The following HM13 variants were observed in gnomAD, a reference collection of about 807,000 sequenced individuals.
HM13 encodes the protein histocompatibility minor 13.
A neutral mutation model predicts 50.0 loss-of-function variants in HM13; 18 were observed. That is an observed-to-expected ratio of 0.36 (90% confidence interval 0.25 to 0.53). The LOEUF is 0.53. Among genes scored for constraint, HM13 ranks in the 20% least tolerant of loss-of-function variants. The pLI, the probability that HM13 is intolerant of heterozygous loss-of-function variation, is 0.90. For missense variants in HM13, 393 were observed against 552.4 expected (o/e 0.71, Z 2.89); for synonymous variants, 197 against 232.6 (o/e 0.85, Z 1.39).
chr20:31,552,758 T>C (rs1984096586), intron 7 of HM13, among the ~76,000 whole-genome samples: 1 of 151,992 alleles, frequency 6.6e-6, no homozygotes, highest in South Asian at 2.1e-4. Context: ...GGTACCAGGA[T>C]TGAGAGAGAA....
intron 7 of HM13, among the ~76,000 whole-genome samples, chr20:31,554,191 A>T (rs1480662298): frequency 6.6e-6 from 1 of 151,978 alleles, no homozygotes; most frequent in Non-Finnish European, 1.5e-5. Context: ...TACAACAAGA[A>T]TGGGGGGTTA....
intron 1 of HM13, among the ~76,000 whole-genome samples, chr20:31,515,199 C>G (rs911786109): frequency 6.6e-6 from 1 of 152,218 alleles, no homozygotes; most frequent in Non-Finnish European, 1.5e-5. Context: ...CCGCAGGGCC[C>G]TTTCTACCAT....
chr20:31,541,135 T>G (rs1026832080), intron 3 of HM13: 4 of 152,286 alleles, frequency 2.6e-5, no homozygotes, highest in East Asian at 1.9e-4. Flanking sequence ...AATAATTTTC[T>G]TAATGAAATT....
At chr20:31,568,368 C>T in intron 12 of HM13, 144 bp downstream of exon 12, 1 of 1,192,600 alleles carries the variant, frequency 8.4e-7, no homozygotes, top group Middle Eastern at 2.9e-4. Context: ...AACCACCAGG[C>T]AGTGGTTGCA....
At chr20:31,520,450 C>T (rs560464604) in intron 1 of HM13, among the ~76,000 whole-genome samples, 7 of 151,980 alleles carry the variant, frequency 4.6e-5, no homozygotes, top group South Asian at 2.1e-4. Context: ...ATTACAGGCG[C>T]GTGCCACTAC....
chr20:31,520,321 ATTT>A (rs1322022399), intron 1 of HM13, among the ~76,000 whole-genome samples: 2 of 151,264 alleles, frequency 1.3e-5, no homozygotes, highest in Non-Finnish European at 2.9e-5. Context: ...TTGTTTGTTC[ATTT>A]GTTAGAGTCT....
intron 7 of HM13, among the ~76,000 whole-genome samples, chr20:31,551,393 C>T (rs981834195): frequency 6.6e-6 from 1 of 152,224 alleles, no homozygotes; most frequent in Admixed American, 6.5e-5. Context: ...GCACTGACTC[C>T]TCACATAGCT....
chr20:31,567,517 C>G (rs6120713), intron 11 of HM13: 47,201 of 152,008 alleles, frequency 0.31, 12,163 homozygotes, highest in African/African-American at 0.71. Context: ...ATCTCTCTCT[C>G]TCTCTCTCTC....
At chr20:31,551,729 T>G (rs1368375918) in intron 7 of HM13, among the ~76,000 whole-genome samples, 1 of 151,962 alleles carries the variant, frequency 6.6e-6, no homozygotes, top group African/African-American at 2.4e-5. Flanking sequence ...CGACAGGCAG[T>G]CGTTGGGGGA....
chr20:31,519,843 CTTT>C (rs35626235), intron 1 of HM13, among the ~76,000 whole-genome samples: 13 of 125,572 alleles, frequency 1.0e-4, no homozygotes, highest in African/African-American at 1.3e-4. Context: ...GCTATGCACA[CTTT>C]TTTTTTTTTT....
intron 10 of HM13, among the ~76,000 whole-genome samples, chr20:31,565,291 G>A (rs112205631): frequency 1.3e-5 from 2 of 151,050 alleles, no homozygotes; most frequent in East Asian, 2.0e-4. Flanking sequence ...CCACCATGGC[G>A]AACGTGGTGA....
intron 8 of HM13, among the ~76,000 whole-genome samples, chr20:31,559,323 T>C (rs1464257207): frequency 6.6e-6 from 1 of 152,184 alleles, no homozygotes; most frequent in African/African-American, 2.4e-5. Context: ...TAGTGCCTGG[T>C]ACATAGGCAC....
At position 31,561,688 on chromosome 20, in the gene HM13, C is replaced by T. The variant is rs145295632; in HGVS notation, c.900C>T (p.Phe300=). ...ACACCAGCTTTGCAGCCTACATCTT[C>T]GGCCTGGGCCTTACCATCTTCATCA... is the stretch of plus-strand genomic sequence containing the variant. ...YFYTSFAAYI[F]GLGLTIFIMH... The change falls in exon 10 of 13, where the codon TTC becomes TTT. Residue 300 remains phenylalanine (F), a synonymous_variant. Transcript: ENST00000398174. 1.1e-5 allele frequency: 18 copies of T among 1,613,842 alleles called. No individual in the cohort carries two copies. Among genetic ancestry groups the T allele is most frequent in the African/African-American group, 2.7e-5 (2 of 74,936 alleles).
At chr20:31,529,538 C>A (rs115734206) in intron 2 of HM13, among the ~76,000 whole-genome samples, 1,700 of 152,312 alleles carry the variant, frequency 0.011, 28 homozygotes, top group African/African-American at 0.039. Context: ...AGCCACCACA[C>A]CTGGCCCCTT....
chr20:31,516,473 C>T (rs1392027181), intron 1 of HM13, among the ~76,000 whole-genome samples: 1 of 152,176 alleles, frequency 6.6e-6, no homozygotes, highest in African/African-American at 2.4e-5. Flanking sequence ...GATTATACTA[C>T]AAGCAATGCT....
In HM13 at chr20:31,532,849, C is replaced by A. The variant is rs1982896180; in HGVS notation, c.282+5267C>A. 2.0e-5 allele frequency among the ~76,000 whole-genome samples: 3 copies of A among 152,328 alleles called. No individual in the cohort carries two copies. In the South Asian group the frequency reaches 6.2e-4, roughly 32 times the overall value. ...TCTAACATTTTTAGTATTTAGGATT[C>A]TTTCCTTAGACCAGATGCTCCCAAA... On this transcript the variant is annotated intron_variant, in intron 2 of 12. Coordinates refer to ENST00000398174, the MANE Select transcript of HM13 (RefSeq NM_178581.3).
At chr20:31,520,506 G>A (rs1427778214) in intron 1 of HM13, among the ~76,000 whole-genome samples, 1 of 152,008 alleles carries the variant, frequency 6.6e-6, no homozygotes, top group African/African-American at 2.4e-5. Flanking sequence ...GTTTCACCAT[G>A]TTGGCCAGGC....
chr20:31,567,203 GA>G (rs1984973970), intron 11 of HM13, among the ~76,000 whole-genome samples: 1 of 152,198 alleles, frequency 6.6e-6, no homozygotes, highest in African/African-American at 2.4e-5. Flanking sequence ...GGCTAGGGGT[GA>G]ACTTGGGGAC....
rs552557597 is a variant in HM13 at position 31,549,038 on chromosome 20, A to G, written c.464A>G (p.Asn155Ser). 4 of 1,614,114 alleles carry G rather than the reference A, an allele frequency of 2.5e-6. No homozygotes were observed. The highest frequency in any genetic ancestry group is 4.5e-5 in the East Asian group (2 of 44,878). Residue 155 changes from asparagine to serine, a missense_variant, in exon 5 of 13, where the codon AAT becomes AGT. Asn to Ser is a conservative substitution (Grantham distance 46). Around this residue, in one of 3 missense-constraint regions of HM13, gnomAD observed 214 missense variants for 276.1 expected, o/e 0.77. Coordinates refer to ENST00000398174, the MANE Select transcript of HM13 (RefSeq NM_178581.3). ...GSGENKEEII[N>S]YEFDTKDLVC... ...TGGCCTCTCTGCTCAGAGATCATCA[A>G]TTATGAATTTGACACCAAGGACCTG...
Sources: gnomAD v4.1 joint callset for allele counts (sites outside exome capture counted in the v4.1 genomes callset) on GRCh38, gnomAD v4.1.1 for gene constraint, gnomAD v4.1.1 regional missense constraint, MANE v1.5 for transcripts, NCBI Gene and HGNC (gene_info 2026-07-23, HGNC 2026-07-21) for gene names.